The following DEFB121 variants were observed in gnomAD, a reference collection of about 807,000 sequenced individuals.
The protein encoded by DEFB121 is defensin beta 121, also known as beta-defensin 121.
DEFB121 carries 5 observed loss-of-function variants against 2.5 expected under a neutral mutation model. The ratio of observed to expected loss-of-function variants is 1.96; its 90% CI spans 1.03 to 4.13. The LOEUF (loss-of-function observed/expected upper bound fraction) is 4.13. Ranked by LOEUF, DEFB121 falls within the 30% of genes most tolerant of loss-of-function variation. The pLI is 0.00. For synonymous variants in DEFB121, 39 were observed against 32.6 expected (o/e 1.20, Z -0.67); for missense variants, 87 against 85.0 (o/e 1.02, Z -0.09).
chr20:31,418,425 A>G, the DEFB121 span, among the ~76,000 whole-genome samples: 1 of 152,118 alleles, frequency 6.6e-6, no homozygotes, highest in Admixed American at 6.5e-5. Context: ...TCCACAGTAA[A>G]GAGGTAGGAG....
intron 1 of DEFB121, 135 bp from the exon 2 acceptor site, chr20:31,405,220 G>T: frequency 2.5e-6 from 2 of 804,234 alleles, no homozygotes; most frequent in Non-Finnish European, 3.8e-6. Context: ...TCTTACACAG[G>T]ATCCCCTAAG....
At chr20:31,411,730 C>T (rs888172999) in intron 1 of DEFB121, among the ~76,000 whole-genome samples, 11 of 152,278 alleles carry the variant, frequency 7.2e-5, no homozygotes, top group Admixed American at 2.0e-4. Flanking sequence ...GATGAGTGGA[C>T]GGTGCTGTGA....
At position 31,406,203 on chromosome 20, in the gene DEFB121, G is replaced by C. The variant is rs1978475953; in HGVS notation, c.-51C>G. On this transcript the variant is annotated 5_prime_UTR_variant, in exon 1 of 2. Transcript: ENST00000376314. ...AGGAGGCTTCTCAACTGGTAAAACAGACAGAGGACTCCATTCTGGGCAGTC... is the reference window on the plus strand; with the variant it reads ...AGGAGGCTTCTCAACTGGTAAAACACACAGAGGACTCCATTCTGGGCAGTC... The C allele has an allele frequency of 1.2e-6, 2 of 1,611,564 alleles. No individual in the cohort carries two copies. Among genetic ancestry groups the C allele is most frequent in the Admixed American group, 1.7e-5 (1 of 59,748 alleles).
At chr20:31,413,057 T>C (rs1471551310), upstream of DEFB121, among the ~76,000 whole-genome samples, 1 of 152,216 alleles carries the variant, frequency 6.6e-6, no homozygotes, top group Non-Finnish European at 1.5e-5. Flanking sequence ...TTTGTCTTCT[T>C]GTCCAGGAAT....
chr20:31,412,103 G>A (rs1978680028), intron 1 of DEFB121, among the ~76,000 whole-genome samples: 1 of 152,194 alleles, frequency 6.6e-6, no homozygotes, highest in Admixed American at 6.5e-5. Context: ...CACTGCAGCA[G>A]GGAAAGGAAA....
At chr20:31,414,228 A>G (rs542671885), upstream of DEFB121, among the ~76,000 whole-genome samples, 2 of 151,914 alleles carry the variant, frequency 1.3e-5, no homozygotes, top group South Asian at 4.2e-4. Context: ...GAAAGAAAGA[A>G]GGAAAGAGAG....
At chr20:31,409,309 C>T (rs1978590745), upstream of DEFB121, among the ~76,000 whole-genome samples, 1 of 152,134 alleles carries the variant, frequency 6.6e-6, no homozygotes. Flanking sequence ...CTTGAATTGT[C>T]ATAGTAACTT....
upstream of DEFB121, among the ~76,000 whole-genome samples, chr20:31,415,342 CA>C (rs1373571383): frequency 1.3e-5 from 2 of 151,826 alleles, no homozygotes; most frequent in African/African-American, 4.8e-5. Flanking sequence ...GTCCGCCTCC[CA>C]GATTCAAGCG....
upstream of DEFB121, among the ~76,000 whole-genome samples, chr20:31,415,295 G>C (rs1161010043): frequency 6.6e-6 from 1 of 151,592 alleles, no homozygotes; most frequent in Admixed American, 6.6e-5. Context: ...TATCCCCCAG[G>C]CTGGAGTGGA....
intron 1 of DEFB121, 52 bp downstream of exon 1, chr20:31,406,043 G>T: frequency 6.2e-7 from 1 of 1,603,060 alleles, no homozygotes; most frequent in South Asian, 1.1e-5. Flanking sequence ...AGAGTTCTCT[G>T]AACATGCATC....
rs1371821719 is a variant in DEFB121, at chr20:31,405,084, G to T, written c.60C>A (p.Val20=). Residue 20 remains valine (V), a splice_region_variant and synonymous_variant, in exon 2 of 2, where the codon GTC becomes GTA. Transcript: ENST00000376314. ...VTLLLAQVTP[V]MKCWGKSGRC... ...TGCCTGACTTGCCCCAACATTTCAT[G>T]ACTGAAAACAAAAGGGAAGAAGAGA... 1 of 1,591,720 alleles carries T rather than the reference G, an allele frequency of 6.3e-7. No homozygotes were observed. The highest frequency in any genetic ancestry group is 1.2e-5 in the South Asian group (1 of 86,672).
At chr20:31,413,455 A>C (rs1372118469), upstream of DEFB121, among the ~76,000 whole-genome samples, 2 of 152,166 alleles carry the variant, frequency 1.3e-5, no homozygotes, top group Non-Finnish European at 2.9e-5. Context: ...CACAGTAACC[A>C]AAAAAAGAAG....
At chr20:31,408,384 C>T (rs770833403), upstream of DEFB121, among the ~76,000 whole-genome samples, 10 of 151,956 alleles carry the variant, frequency 6.6e-5, no homozygotes, top group Non-Finnish European at 1.0e-4. Context: ...CCCAGGAGGT[C>T]GAAGCTACAA....
At chr20:31,417,000 T>A (rs764690963), upstream of DEFB121, among the ~76,000 whole-genome samples, 4 of 152,132 alleles carry the variant, frequency 2.6e-5, no homozygotes, top group Non-Finnish European at 5.9e-5. Context: ...AAGGGGTGTT[T>A]TAAGACGGAT....
exon 1 of DEFB121, chr20:31,412,727 G>T: frequency 8.1e-7 from 1 of 1,227,174 alleles, no homozygotes; most frequent in Non-Finnish European, 1.1e-6. Flanking sequence ...GGGACATTAG[G>T]ATTGGCAGTA....
upstream of DEFB121, among the ~76,000 whole-genome samples, chr20:31,410,823 T>TGA (rs72164704): frequency 0.066 from 9,034 of 136,002 alleles, 428 homozygotes; most frequent in African/African-American, 0.14. Flanking sequence ...CCTTGAAAAA[T>TGA]GAGAGAGAGA....
At chr20:31,409,628 C>T (rs368483503), upstream of DEFB121, among the ~76,000 whole-genome samples, 19 of 152,256 alleles carry the variant, frequency 1.2e-4, no homozygotes, top group South Asian at 1.7e-3. Flanking sequence ...GTAATCCCAG[C>T]TACTTGGTAG....
At chr20:31,409,561 T>C (rs1009279922), upstream of DEFB121, among the ~76,000 whole-genome samples, 7 of 152,048 alleles carry the variant, frequency 4.6e-5, no homozygotes, top group Non-Finnish European at 1.5e-5. Context: ...GCCAACATGG[T>C]GAAACCCTGT....
At chr20:31,414,674 C>T (rs1568741240), upstream of DEFB121, among the ~76,000 whole-genome samples, 1 of 152,194 alleles carries the variant, frequency 6.6e-6, no homozygotes. Context: ...CAAAGAGTGG[C>T]ATGATGATTG....
Sources: gnomAD v4.1 joint callset for allele counts (sites outside exome capture counted in the v4.1 genomes callset) on GRCh38, gnomAD v4.1.1 for gene constraint, MANE v1.5 for transcripts, NCBI Gene and HGNC (gene_info 2026-07-23, HGNC 2026-07-21) for gene names.